GSE1: variants seen among roughly 807,000 people sequenced by gnomAD.
GSE1 encodes genetic suppressor element 1.
GSE1 carries 32 observed loss-of-function variants against 112.6 expected under a neutral mutation model. The observed-to-expected ratio is 0.28, with a 90% CI of 0.21 to 0.38. GSE1 has a LOEUF of 0.38. Ranked by LOEUF, GSE1 falls within the 10% of genes least tolerant of loss-of-function variation. The pLI, the probability that GSE1 is intolerant of heterozygous loss-of-function variation, is 1.00. For synonymous variants in GSE1, 1,115 were observed against 735.6 expected (o/e 1.52, Z -8.35); for missense variants, 2,348 against 1,699.2 (o/e 1.38, Z -6.71).
Position 85,341,584 on chromosome 16 carries a change from G to A in GSE1, c.2284-15879G>A, listed in dbSNP as rs975945521. ...GAGGCAGGAGAATCGCTTGAACCCG[G>A]GAGGCAGAGGTGCAGTGAGCAGAGA... is the stretch of plus-strand genomic sequence containing the variant. On this transcript the variant is annotated intron_variant, in intron 1 of 2. Transcript: ENST00000637419. 3.3e-5 allele frequency among the ~76,000 whole-genome samples: 5 copies of A among 152,080 alleles called. No homozygotes were observed. In the East Asian group the frequency reaches 9.7e-4, roughly 29 times the overall value.
chr16:85,614,924 C>T (rs879277008), intron 1 of GSE1, among the ~76,000 whole-genome samples: 1 of 152,078 alleles, frequency 6.6e-6, no homozygotes, highest in Admixed American at 6.5e-5. Context: ...CCGCCTAAGC[C>T]GATTTCCAGG....
Position 85,311,838 on chromosome 16 carries a change from C to T in GSE1, c.2284-45625C>T, listed in dbSNP as rs1434692826. Among the ~76,000 whole-genome samples, 1 of 152,202 alleles carries T rather than the reference C, an allele frequency of 6.6e-6. No individual in the cohort carries two copies. The highest frequency in any genetic ancestry group is 1.5e-5 in the Non-Finnish European group (1 of 68,030). On this transcript the variant is annotated intron_variant, in intron 1 of 2. Transcript: ENST00000637419. This position sits in a 1 kb window ranked among gnomAD's most constrained non-coding sequence, Gnocchi z 4.2. ...GGACCCACTGTCTGACCTGTGGCCCCAGCCGCGAGTCCTTCTCACCCCAGA... is the reference window on the plus strand; with the variant it reads ...GGACCCACTGTCTGACCTGTGGCCCTAGCCGCGAGTCCTTCTCACCCCAGA...
At chr16:85,418,726 T>A (rs1174825073) in intron 2 of GSE1, among the ~76,000 whole-genome samples, 1 of 151,048 alleles carries the variant, frequency 6.6e-6, no homozygotes, top group Non-Finnish European at 1.5e-5. Context: ...ATATGAGGAA[T>A]AGAAAAAGGG....
intron 6 of GSE1, 131 bp from the exon 7 acceptor site, chr16:85,656,212 C>T (rs2051914795): frequency 1.7e-6 from 2 of 1,178,528 alleles, no homozygotes; most frequent in Non-Finnish European, 1.2e-6. Context: ...CCAGTGAAAC[C>T]CGGCTCACCT....
intron 13 of GSE1, 33 bp downstream of exon 13, chr16:85,666,380 G>T: frequency 3.1e-6 from 5 of 1,611,564 alleles, no homozygotes; most frequent in South Asian, 1.1e-5. Context: ...CTCAGCTCTC[G>T]GCTGTGGTTG....
chr16:85,513,986 C>T (rs1214408276), intron 2 of GSE1, among the ~76,000 whole-genome samples: 1 of 152,098 alleles, frequency 6.6e-6, no homozygotes. Context: ...CCTGTTGAGA[C>T]CCCTCCACAC....
At chr16:85,268,706 C>G (rs570580213) in intron 1 of GSE1, among the ~76,000 whole-genome samples, 3 of 152,326 alleles carry the variant, frequency 2.0e-5, no homozygotes, top group South Asian at 4.1e-4. Flanking sequence ...CCTGCCAGCA[C>G]AGCCTCAGCA....
At chr16:85,349,926 C>A (rs1597459005) in intron 1 of GSE1, among the ~76,000 whole-genome samples, 1 of 152,222 alleles carries the variant, frequency 6.6e-6, no homozygotes, top group Non-Finnish European at 1.5e-5. Context: ...GAACCAGGCT[C>A]TGCCAGTGTT....
Position 85,665,873 on chromosome 16 carries a change from G to C in GSE1, c.2759-103G>C, listed in dbSNP as rs2052809005. On this transcript the variant is annotated intron_variant, in intron 12 of 15. Transcript: ENST00000253458. The stretch of plus-strand genomic sequence containing the variant: ...CCCCGGGTCTTGGTTCTTTGCGCTA[G>C]GTCTTTGTTAAGTGTAAGCTCTAGA... 4.5e-6 allele frequency: 5 copies of C among 1,111,146 alleles called. No homozygotes were observed. In the East Asian group the frequency reaches 7.1e-5, roughly 16 times the overall value. 68.8% of individuals were successfully genotyped at this position (1,111,146 alleles called of 1,614,324 possible).
At chr16:85,630,994 C>T (rs2049494171) in intron 1 of GSE1, among the ~76,000 whole-genome samples, 1 of 152,064 alleles carries the variant, frequency 6.6e-6, no homozygotes, top group African/African-American at 2.4e-5. Context: ...CTTCTGAGAG[C>T]TGCTGCAGTA....
intron 2 of GSE1, chr16:85,463,087 T>G (rs2050019768): frequency 1.0e-6 from 1 of 985,012 alleles, no homozygotes; most frequent in South Asian, 4.7e-5. Context: ...CGCAGGATGC[T>G]GGGCATGAAG....
At chr16:85,179,748 AT>A (rs1555534321) in intron 1 of GSE1, among the ~76,000 whole-genome samples, 1,270 of 152,230 alleles carry the variant, frequency 8.3e-3, no homozygotes, top group African/African-American at 0.028. Flanking sequence ...TCTCCCTGGG[AT>A]GAGGGGAGCT....
chr16:85,526,598 T>C (rs998522193), intron 2 of GSE1, among the ~76,000 whole-genome samples: 3 of 151,930 alleles, frequency 2.0e-5, no homozygotes, highest in African/African-American at 7.3e-5. Flanking sequence ...TTACAGGCAG[T>C]GTGGGATGTG....
At chr16:85,312,814 G>A (rs945559839) in intron 1 of GSE1, among the ~76,000 whole-genome samples, 5 of 151,928 alleles carry the variant, frequency 3.3e-5, no homozygotes, top group African/African-American at 7.3e-5. Context: ...AGGAGGTCTC[G>A]TCCACCCAGG....
At chr16:85,441,063 C>T (rs925010692) in intron 2 of GSE1, among the ~76,000 whole-genome samples, 10 of 152,202 alleles carry the variant, frequency 6.6e-5, no homozygotes, top group Non-Finnish European at 1.5e-4. Context: ...GGCAGCTGAT[C>T]CCAGTGCTGT....
exon 1 of GSE1, chr16:85,171,601 C>A: frequency 1.0e-6 from 1 of 985,584 alleles, no homozygotes. Flanking sequence ...GGAGAAGAAA[C>A]GGTGTCTGGG....
At chr16:85,319,620 C>A (rs934235786) in intron 1 of GSE1, among the ~76,000 whole-genome samples, 6 of 152,210 alleles carry the variant, frequency 3.9e-5, no homozygotes, top group African/African-American at 1.4e-4. Flanking sequence ...TATTGAGGCT[C>A]CACCCAGAAC....
intron 2 of GSE1, among the ~76,000 whole-genome samples, chr16:85,522,685 G>A (rs540564564): frequency 1.1e-4 from 17 of 152,204 alleles, no homozygotes; most frequent in Admixed American, 3.3e-4. Flanking sequence ...GTGTGAGGGC[G>A]TGAGTGGGTG....
chr16:85,218,258 A>G (rs2075336375), intron 1 of GSE1, among the ~76,000 whole-genome samples: 1 of 151,932 alleles, frequency 6.6e-6, no homozygotes, highest in African/African-American at 2.4e-5. Flanking sequence ...TAGGGTTTCC[A>G]CTGTAAGTCA....
Sources: gnomAD v4.1 joint callset for allele counts (sites outside exome capture counted in the v4.1 genomes callset) on GRCh38, gnomAD v4.1.1 for gene constraint, Gnocchi (gnomAD v3.1) non-coding constraint, MANE v1.5 for transcripts, NCBI Gene and HGNC (gene_info 2026-07-23, HGNC 2026-07-21) for gene names.